Variants in ZBED4 observed in about 807,000 individuals in gnomAD.
ZBED4 encodes the protein zinc finger BED domain-containing protein 4.
ZBED4 carries 4 observed loss-of-function variants against 15.5 expected under a neutral mutation model. The observed-to-expected ratio is 0.26, with a 90% confidence interval of 0.13 to 0.59. The LOEUF (loss-of-function observed/expected upper bound fraction) is 0.59, where lower values mean the gene tolerates loss of function less well. ZBED4 is among the 20% of genes least tolerant of loss of function. The pLI, the probability that ZBED4 is intolerant of heterozygous loss-of-function variation, is 0.90. For missense variants in ZBED4, 1,323 were observed against 1,461.8 expected (o/e 0.91, Z 1.55); for synonymous variants, 692 against 608.5 (o/e 1.14, Z -2.02).
intron 1 of ZBED4, among the ~76,000 whole-genome samples, chr22:49,865,314 G>C (rs776648724): frequency 2.6e-5 from 4 of 152,186 alleles, no homozygotes; most frequent in African/African-American, 9.6e-5. Context: ...GCTCTTTGCC[G>C]AGTGAGGTGT....
Position 49,884,377 on chromosome 22 carries a change from A to C in ZBED4, c.715A>C (p.Met239Leu). Residue 239 changes from methionine (M) to leucine (L), a missense_variant, in exon 2 of 2, where the codon ATG becomes CTG. Coordinates refer to ENST00000216268, the MANE Select transcript of ZBED4 (RefSeq NM_014838.3). ...TTCTTCTGAAGAAATCTCCTCTGACATGTCCGTTTCGGAGAAGTGCGGCAG... is the reference window on the plus strand; with the variant it reads ...TTCTTCTGAAGAAATCTCCTCTGACCTGTCCGTTTCGGAGAAGTGCGGCAG... Reference protein sequence around the residue: ...VVSSEEISSDMSVSEKCGREE... With the variant: ...VVSSEEISSDLSVSEKCGREE... The C allele has an allele frequency of 6.2e-7, 1 of 1,613,078 alleles. No individual in the cohort carries two copies.
rs1023712434 is a variant in ZBED4, at chr22:49,883,808, T to C, written c.146T>C (p.Met49Thr). The change falls in exon 2 of 2, where the codon ATG (methionine) becomes ACG (threonine). Residue 49 changes from methionine (M) to threonine (T), a missense_variant. Met to Thr is a moderately conservative substitution (Grantham distance 81). This residue lies in a region of ZBED4 where 380 missense variants were observed against 413.7 expected (regional missense o/e 0.92). Coordinates refer to ENST00000216268, the MANE Select transcript of ZBED4 (RefSeq NM_014838.3). ...GACTTTAAAAGCGAGCAGGAGGACA[T>C]GAAGCAGACAGACAGCGGTGGGGAG... The part of the protein sequence containing the change: ...RMDFKSEQED[M>T]KQTDSGGERA... The C allele has an allele frequency of 5.0e-6, 8 of 1,613,060 alleles. No individual in the cohort carries two copies. Among genetic ancestry groups the C allele is most frequent in the Non-Finnish European group, 6.8e-6 (8 of 1,179,276 alleles).
chr22:49,878,841 TA>T (rs943898193), intron 1 of ZBED4, among the ~76,000 whole-genome samples: 3 of 151,300 alleles, frequency 2.0e-5, no homozygotes, highest in Non-Finnish European at 4.4e-5. Flanking sequence ...CTACTAAAAA[TA>T]AAAAAAATGA....
chr22:49,887,424 A>T lies in ZBED4; in HGVS notation c.*246A>T, dbSNP rs2060446379. Reference sequence around the variant, plus strand: ...GTCCTGTCAACTATGAAATATGGTGACTAGATTTTAATTCATAACCGTAAA... The same window carrying T: ...GTCCTGTCAACTATGAAATATGGTGTCTAGATTTTAATTCATAACCGTAAA... On this transcript the variant is annotated 3_prime_UTR_variant, in exon 2 of 2. Coordinates refer to ENST00000216268, the MANE Select transcript of ZBED4 (RefSeq NM_014838.3). 1 of 392,410 alleles carries T rather than the reference A, an allele frequency of 2.5e-6. No individual in the cohort carries two copies. Among genetic ancestry groups the T allele is most frequent in the South Asian group, 8.2e-5 (1 of 12,180 alleles). 24.3% of individuals were successfully genotyped at this position (392,410 alleles called of 1,614,324 possible).
intron 1 of ZBED4, among the ~76,000 whole-genome samples, chr22:49,880,266 CAGCCTCCAGGG>C (rs2060401959): frequency 2.0e-5 from 3 of 152,222 alleles, no homozygotes; most frequent in Non-Finnish European, 4.4e-5. Context: ...AAGCTGTTCC[CAGCCTCCAGGG>C]AGCCCTGGCA....
chr22:49,863,285 T>C (rs2060305754), intron 1 of ZBED4, among the ~76,000 whole-genome samples: 1 of 152,130 alleles, frequency 6.6e-6, no homozygotes, highest in Non-Finnish European at 1.5e-5. Context: ...TCAGCCTCCC[T>C]AATAACTGGG....
chr22:49,865,770 G>T (rs1001962150), intron 1 of ZBED4, among the ~76,000 whole-genome samples: 4 of 152,066 alleles, frequency 2.6e-5, no homozygotes, highest in African/African-American at 9.7e-5. Context: ...GGAACAAGAT[G>T]TCTTGACTTC....
intron 1 of ZBED4, among the ~76,000 whole-genome samples, chr22:49,878,235 G>C (rs1156485925): frequency 1.3e-5 from 2 of 151,298 alleles, no homozygotes; most frequent in African/African-American, 4.9e-5. Context: ...AACCCGGGAG[G>C]CGGAGGTTAC....
rs571576115 is a variant in ZBED4, at chr22:49,884,700, G to A, written c.1038G>A (p.Thr346=). ...TCGTGTTGCAGGAGAACGGGGGCAC[G>A]GGCATCCCGCCACTGTACTCCACCC... ...RAIVLQENGG[T]GIPPLYSTPP... The change falls in exon 2 of 2, where the codon ACG becomes ACA. Residue 346 remains threonine, a synonymous_variant. Coordinates refer to ENST00000216268, the MANE Select transcript of ZBED4 (RefSeq NM_014838.3). 3.3e-5 allele frequency: 53 copies of A among 1,598,764 alleles called. No homozygotes were observed. The highest frequency in any genetic ancestry group is 2.5e-4 in the African/African-American group (19 of 74,878).
chr22:49,877,258 A>ATTATTTAT (rs200275015), intron 1 of ZBED4, among the ~76,000 whole-genome samples: 207 of 144,730 alleles, frequency 1.4e-3, no homozygotes, highest in Admixed American at 4.9e-3. Flanking sequence ...AAACAGCTTT[A>ATTATTTAT]TTATTTATTT....
In ZBED4 at chr22:49,885,552, G is replaced by A. The variant is rs577430389; in HGVS notation, c.1890G>A (p.Pro630=). The A allele has an allele frequency of 6.7e-5, 107 of 1,604,760 alleles. No homozygotes were observed. The highest frequency in any genetic ancestry group is 4.4e-4 in the South Asian group (40 of 90,930). Reference sequence around the variant, plus strand: ...CCTCCTCTCCGGACACCCGGGTGCCGCGGGGCACAGAATTATCAGGCGCTT... The same window carrying A: ...CCTCCTCTCCGGACACCCGGGTGCCACGGGGCACAGAATTATCAGGCGCTT... ...ARPSSPDTRV[P]RGTELSGASS... is the part of the protein sequence containing the mutation. The change falls in exon 2 of 2, where the codon CCG becomes CCA. Residue 630 remains proline (P), a synonymous_variant. Coordinates refer to ENST00000216268, the MANE Select transcript of ZBED4 (RefSeq NM_014838.3).
intron 1 of ZBED4, among the ~76,000 whole-genome samples, chr22:49,877,624 A>G (rs1227541176): frequency 6.6e-6 from 1 of 152,174 alleles, no homozygotes; most frequent in Non-Finnish European, 1.5e-5. Flanking sequence ...TATAATTGAT[A>G]TACAATAAAC....
chr22:49,859,572 G>C (rs5770722), intron 1 of ZBED4, among the ~76,000 whole-genome samples: 113,365 of 152,002 alleles, frequency 0.75, 44,841 homozygotes, highest in East Asian at 0.91. Context: ...GTGCAGAAAG[G>C]CATCTGGACA....
At chr22:49,856,664 GAAGGCCGC>G in intron 1 of ZBED4, among the ~76,000 whole-genome samples, 6 of 37,200 alleles carry the variant, frequency 1.6e-4, no homozygotes, top group African/African-American at 2.2e-4. Context: ...CGTTCTAGGT[GAAGGCCGC>G]GCTGGAATCC....
intron 1 of ZBED4, among the ~76,000 whole-genome samples, chr22:49,868,134 AC>A (rs1420704585): frequency 6.6e-6 from 1 of 152,090 alleles, no homozygotes; most frequent in East Asian, 1.9e-4. Flanking sequence ...CCTTCCACTT[AC>A]ATTTGTTGGT....
At chr22:49,858,887 G>T (rs1339865746) in intron 1 of ZBED4, among the ~76,000 whole-genome samples, 1 of 152,204 alleles carries the variant, frequency 6.6e-6, no homozygotes, top group Non-Finnish European at 1.5e-5. Flanking sequence ...CACCCCCTGT[G>T]ATCTGGCGGT....
intron 1 of ZBED4, among the ~76,000 whole-genome samples, chr22:49,881,866 T>C (rs2060411407): frequency 6.6e-6 from 1 of 152,182 alleles, no homozygotes. Context: ...TTTATCTGGC[T>C]GTACTTTGTA....
Position 49,884,183 on chromosome 22 carries a change from G to A in ZBED4, c.521G>A (p.Gly174Asp), listed in dbSNP as rs1402195131. Residue 174 changes from glycine (G) to aspartate (D), a missense_variant, in exon 2 of 2, where the codon GGC becomes GAC. Transcript: ENST00000216268. ...CCGACCGTGCTCATTCAGGAAAATGGCAGTGTGTCTGCCGTGTCCTCGTTC... is the reference window on the plus strand; with the variant it reads ...CCGACCGTGCTCATTCAGGAAAATGACAGTGTGTCTGCCGTGTCCTCGTTC... The part of the protein sequence containing the change: ...AHPTVLIQEN[G>D]SVSAVSSFPS... 6.2e-7 allele frequency: 1 copy of A among 1,611,348 alleles called. No homozygotes were observed. Among genetic ancestry groups the A allele is most frequent in the Non-Finnish European group, 8.5e-7 (1 of 1,178,572 alleles).
At chr22:49,870,689 GCTT>G (rs1321022458) in intron 1 of ZBED4, among the ~76,000 whole-genome samples, 1 of 151,914 alleles carries the variant, frequency 6.6e-6, no homozygotes, top group Non-Finnish European at 1.5e-5. Flanking sequence ...TTCTTGTTAA[GCTT>G]CTTATAGATT....
Sources: allele counts gnomAD v4.1 joint callset (sites outside exome capture counted in the v4.1 genomes callset), GRCh38; gene constraint gnomAD v4.1.1; regional missense constraint gnomAD v4.1.1; transcripts MANE v1.5; gene names NCBI Gene and HGNC (gene_info 2026-07-23, HGNC 2026-07-21).